The following CHID1 variants were observed in gnomAD, a reference collection of about 807,000 sequenced individuals.
CHID1 encodes chitinase domain-containing protein 1.
A neutral mutation model predicts 55.4 loss-of-function variants in CHID1; 44 were observed. The ratio of observed to expected loss-of-function variants is 0.79; its 90% CI spans 0.62 to 1.02. The LOEUF (loss-of-function observed/expected upper bound fraction) is 1.02, where lower values mean the gene tolerates loss of function less well. CHID1 is among the 50% of genes least tolerant of loss of function. The probability of loss-of-function intolerance (pLI) is 0.00; values close to 1 mark genes in which losing one functional copy is unlikely to be tolerated. For synonymous variants in CHID1, 216 were observed against 212.9 expected, an observed-to-expected ratio of 1.01 and a Z score of -0.13; for missense variants, 491 against 515.3, an observed-to-expected ratio of 0.95 and a Z score of 0.46.
chr11:892,392 A>G (rs1210254908), intron 8 of CHID1, among the ~76,000 whole-genome samples: 1 of 152,166 alleles, frequency 6.6e-6, no homozygotes, highest in Non-Finnish European at 1.5e-5. Flanking sequence ...AGGACCCCCA[A>G]CGCCTGGTCA....
In CHID1 at chr11:883,084, T is replaced by TG. The variant is rs1251076829; in HGVS notation, c.959+63_959+64insC. ...AGACCCTCCCCATCACTCTGTCTCC[T>TG]TACACCCACACCCACCCGCGCCCAG... On this transcript the variant is annotated intron_variant, in intron 10 of 12. Coordinates refer to ENST00000323578, the MANE Select transcript of CHID1 (RefSeq NM_023947.4). 3.3e-6 allele frequency: 5 copies of TG among 1,537,394 alleles called. No individual in the cohort carries two copies. In the African/African-American group the frequency reaches 6.8e-5, roughly 21 times the overall value.
chr11:883,362 C>T (rs1850149237), intron 9 of CHID1, 59 bp from the exon 10 acceptor site: 3 of 1,532,846 alleles, frequency 2.0e-6, no homozygotes, highest in Admixed American at 3.6e-5. Flanking sequence ...CCTGAGCCAT[C>T]ATTGGGGCCC....
intron 8 of CHID1, among the ~76,000 whole-genome samples, chr11:889,832 C>T (rs1226622148): frequency 6.6e-6 from 1 of 152,224 alleles, no homozygotes; most frequent in Non-Finnish European, 1.5e-5. Flanking sequence ...CTCCCATGCT[C>T]AGGGCATCTG....
At chr11:912,269 G>C (rs1308314985), upstream of CHID1, among the ~76,000 whole-genome samples, 2 of 152,152 alleles carry the variant, frequency 1.3e-5, no homozygotes, top group African/African-American at 4.8e-5. Context: ...AGTGAGCAGA[G>C]ATCACACTGC....
intron 10 of CHID1, among the ~76,000 whole-genome samples, chr11:878,268 G>A (rs535236301): frequency 1.3e-5 from 2 of 152,326 alleles, no homozygotes; most frequent in East Asian, 3.9e-4. Context: ...ATAAAAATTA[G>A]CTGGGTGTGG....
At chr11:900,236 A>G in intron 5 of CHID1, 126 bp from the exon 6 acceptor site, 1 of 691,312 alleles carries the variant, frequency 1.4e-6, no homozygotes, top group Non-Finnish European at 2.5e-6. Context: ...AGTGAGGGGC[A>G]GGGAGGCCAC....
intron 7 of CHID1, 34 bp downstream of exon 7, chr11:899,305 AG>A: frequency 6.4e-7 from 1 of 1,572,376 alleles, no homozygotes; most frequent in Admixed American, 1.8e-5. Context: ...CAGGGCCAGG[AG>A]GAGGGCCACC....
At chr11:880,840 A>C (rs1284675479) in intron 10 of CHID1, among the ~76,000 whole-genome samples, 2 of 152,246 alleles carry the variant, frequency 1.3e-5, no homozygotes, top group Non-Finnish European at 2.9e-5. Context: ...GAGCAGCTAA[A>C]ACTGTTTCTA....
chr11:876,378 G>A (rs999819051), intron 10 of CHID1, among the ~76,000 whole-genome samples: 10 of 152,156 alleles, frequency 6.6e-5, no homozygotes, highest in Admixed American at 1.3e-4. Flanking sequence ...GAGGGAGGTC[G>A]GGGCTCAGGG....
In CHID1 at chr11:889,420, C is replaced by T. The variant is rs920746651; in HGVS notation, c.701+4007G>A. ...CCAGGCAAAAGGAACGTCGGCTCCA[C>T]GTCAACCCCTCCCGCCGCCATCTGC... On this transcript the variant is annotated intron_variant, in intron 8 of 12. Transcript: ENST00000323578. 3.3e-5 allele frequency among the ~76,000 whole-genome samples: 5 copies of T among 152,284 alleles called. No individual in the cohort carries two copies. The East Asian group carries it at 5.8e-4, about 18-fold the overall frequency.
intron 9 of CHID1, among the ~76,000 whole-genome samples, chr11:883,612 A>G (rs1850165974): frequency 6.6e-6 from 1 of 152,060 alleles, no homozygotes; most frequent in Admixed American, 6.5e-5. Flanking sequence ...GGGACAACAC[A>G]CCCAGGGCCA....
At chr11:887,266 G>A (rs542136595) in intron 8 of CHID1, among the ~76,000 whole-genome samples, 1 of 152,116 alleles carries the variant, frequency 6.6e-6, no homozygotes, top group Non-Finnish European at 1.5e-5. Flanking sequence ...GGGCTCAAGC[G>A]ATCCTCCTGC....
chr11:898,582 T>C (rs1051559321), intron 7 of CHID1, among the ~76,000 whole-genome samples: 1 of 152,196 alleles, frequency 6.6e-6, no homozygotes, highest in Non-Finnish European at 1.5e-5. Flanking sequence ...TGCGGGGCAG[T>C]CGCCCACTTT....
chr11:869,921 C>T lies in CHID1; in HGVS notation c.1119G>A (p.Leu373=), dbSNP rs749233909. The change falls in exon 13 of 13, where the codon CTG becomes CTA. Residue 373 remains leucine, a synonymous_variant. Transcript: ENST00000323578. ...LQVRLELARE[L]GVGVSIWELG... ...GCTCCCAGATAGAGACCCCAACGCC[C>T]AGCTCCCGGGCCAGCTCCAGCCGCA... 1.9e-6 allele frequency: 3 copies of T among 1,612,680 alleles called. No individual in the cohort carries two copies. Among genetic ancestry groups the T allele is most frequent in the African/African-American group, 2.7e-5 (2 of 74,928 alleles).
At chr11:892,342 G>C (rs898584618) in intron 8 of CHID1, among the ~76,000 whole-genome samples, 2 of 152,372 alleles carry the variant, frequency 1.3e-5, no homozygotes, top group Non-Finnish European at 2.9e-5. Flanking sequence ...GCACACAGCA[G>C]TGCTGCAGAC....
chr11:912,023 G>A (rs1305892431), upstream of CHID1, among the ~76,000 whole-genome samples: 1 of 152,242 alleles, frequency 6.6e-6, no homozygotes, highest in Admixed American at 6.5e-5. Flanking sequence ...AGAGGTCTTT[G>A]GCGCTAAAGA....
intron 7 of CHID1, among the ~76,000 whole-genome samples, chr11:894,235 G>T (rs1589868356): frequency 1.3e-5 from 2 of 152,036 alleles, no homozygotes; most frequent in Admixed American, 6.5e-5. Context: ...GGCCCCACCT[G>T]CCTGGTGTAG....
chr11:872,737 A>G (rs1306310193), intron 10 of CHID1, among the ~76,000 whole-genome samples: 3 of 152,150 alleles, frequency 2.0e-5, no homozygotes, highest in South Asian at 2.1e-4. Flanking sequence ...TCCCCCCTCA[A>G]TATCTGCTGG....
chr11:882,125 G>C (rs1337281639), intron 10 of CHID1, among the ~76,000 whole-genome samples: 3 of 152,128 alleles, frequency 2.0e-5, no homozygotes, highest in Admixed American at 2.0e-4. Flanking sequence ...AGGAGATCGA[G>C]ACCATCCTGG....
Sources: allele counts gnomAD v4.1 joint callset (sites outside exome capture counted in the v4.1 genomes callset), GRCh38; gene constraint gnomAD v4.1.1; transcripts MANE v1.5; gene names NCBI Gene and HGNC (gene_info 2026-07-23, HGNC 2026-07-21).